SRGAP2B: variants seen among roughly 807,000 people sequenced by gnomAD.
SRGAP2B encodes SLIT-ROBO Rho GTPase-activating protein 2B.
In SRGAP2B, 9 loss-of-function variants were observed where a neutral mutation model predicts 22.2. That is an observed-to-expected ratio of 0.41 (90% CI 0.24 to 0.71). The LOEUF is 0.71. Among genes scored for constraint, SRGAP2B ranks in the 30% least tolerant of loss-of-function variants. The pLI is 0.35. For synonymous variants in SRGAP2B, 36 were observed against 87.4 expected (o/e 0.41, Z 3.28); for missense variants, 114 against 235.8 (o/e 0.48, Z 3.38).
At chr1:144,932,230 G>C (rs1665243140) in intron 4 of SRGAP2B, among the ~76,000 whole-genome samples, 1 of 149,084 alleles carries the variant, frequency 6.7e-6, no homozygotes, top group South Asian at 2.1e-4. Context: ...CCCAAATCCT[G>C]GGGACAATTG....
intron 3 of SRGAP2B, among the ~76,000 whole-genome samples, chr1:144,986,364 G>A (rs1403361028): frequency 7.2e-6 from 1 of 138,914 alleles, no homozygotes; most frequent in Non-Finnish European, 1.5e-5. Flanking sequence ...AGCTCCGGGG[G>A]AGGTGATGAG....
chr1:144,966,806 C>T (rs1376126310), intron 3 of SRGAP2B, among the ~76,000 whole-genome samples: 3 of 148,810 alleles, frequency 2.0e-5, no homozygotes, highest in South Asian at 4.2e-4. Flanking sequence ...ATCTACCAAG[C>T]AAATGGAAAA....
At chr1:144,958,097 TAAGG>T (rs778082020) in intron 3 of SRGAP2B, among the ~76,000 whole-genome samples, 1 of 150,474 alleles carries the variant, frequency 6.6e-6, no homozygotes, top group Non-Finnish European at 1.5e-5. Context: ...TGCAATATAG[TAAGG>T]GAGACAAAGA....
intron 3 of SRGAP2B, among the ~76,000 whole-genome samples, chr1:144,969,155 T>C (rs1459981937): frequency 2.7e-5 from 3 of 110,890 alleles, no homozygotes; most frequent in East Asian, 2.7e-4. Flanking sequence ...TTAAAGTTCA[T>C]ATGGAACCAA....
intron 3 of SRGAP2B, among the ~76,000 whole-genome samples, chr1:144,987,140 G>T (rs71228994): frequency 6.6e-6 from 1 of 152,130 alleles, no homozygotes; most frequent in Admixed American, 6.5e-5. Flanking sequence ...TGCACCTGTG[G>T]CACTCTGTAT....
intron 4 of SRGAP2B, among the ~76,000 whole-genome samples, chr1:144,941,621 T>C (rs1193262315): frequency 6.8e-6 from 1 of 147,226 alleles, no homozygotes; most frequent in Non-Finnish European, 1.5e-5. Flanking sequence ...GGAAAGAAGA[T>C]GAAAATGAAA....
At chr1:144,904,145 G>T (rs1662814360) in intron 7 of SRGAP2B, among the ~76,000 whole-genome samples, 1 of 149,078 alleles carries the variant, frequency 6.7e-6, no homozygotes, top group South Asian at 2.1e-4. Context: ...GGGGGAGCTG[G>T]ATACCTTCCT....
intron 4 of SRGAP2B, among the ~76,000 whole-genome samples, chr1:144,942,611 G>C (rs1324263176): frequency 6.7e-6 from 1 of 149,190 alleles, no homozygotes; most frequent in Admixed American, 6.7e-5. Flanking sequence ...GTAGAGACAG[G>C]GTTTCAGCAT....
At chr1:144,925,774 AG>A (rs1664672529) in intron 4 of SRGAP2B, among the ~76,000 whole-genome samples, 2 of 144,338 alleles carry the variant, frequency 1.4e-5, no homozygotes, top group Non-Finnish European at 3.0e-5. Flanking sequence ...AAAGAAAGAA[AG>A]AAAGAAAGAA....
chr1:145,021,155 CG>C (rs1305252688), intron 2 of SRGAP2B, among the ~76,000 whole-genome samples: 1 of 139,524 alleles, frequency 7.2e-6, no homozygotes, highest in East Asian at 2.0e-4. Flanking sequence ...CAAATGTTCA[CG>C]GACAGCATTA....
In SRGAP2B at chr1:144,955,409, A is replaced by C; in HGVS notation, c.423+30T>G. 3.1e-6 allele frequency: 5 copies of C among 1,590,952 alleles called. 1 individual carries two copies. The highest frequency in any genetic ancestry group is 1.4e-5 in the African/African-American group (1 of 71,836). On this transcript the variant is annotated intron_variant, in intron 4 of 9. Coordinates refer to ENST00000612199, the Ensembl canonical transcript of SRGAP2B. ...TAAAAATTGTGTCATTGCTCCACCC[A>C]AGAACCTCTGTGAAGAAATATCTCT...
chr1:144,995,054 C>T (rs1553618213), exon 3 of SRGAP2B: 32 of 1,543,650 alleles, frequency 2.1e-5, no homozygotes, highest in Non-Finnish European at 2.7e-5. Context: ...AGGAAGCGTT[C>T]TGCCAGCTTC....
chr1:145,009,514 G>A (rs1190546536), intron 2 of SRGAP2B, among the ~76,000 whole-genome samples: 3 of 147,268 alleles, frequency 2.0e-5, no homozygotes, highest in Non-Finnish European at 4.5e-5. Context: ...CGTGAACCCG[G>A]GAGGCGGAGC....
chr1:145,082,081 C>CA (rs1214095985), intron 2 of SRGAP2B, among the ~76,000 whole-genome samples: 21 of 143,604 alleles, frequency 1.5e-4, no homozygotes, highest in Non-Finnish European at 2.7e-4. Context: ...AACAAACAAA[C>CA]AAAAAAAACA....
chr1:144,934,149 A>C (rs1353193538), intron 4 of SRGAP2B, among the ~76,000 whole-genome samples: 1 of 150,474 alleles, frequency 6.6e-6, no homozygotes, highest in Non-Finnish European at 1.5e-5. Context: ...TTATGCCTGT[A>C]ATCTCAGCAG....
intron 3 of SRGAP2B, among the ~76,000 whole-genome samples, chr1:144,965,549 A>G (rs1476037837): frequency 2.8e-5 from 4 of 144,238 alleles, no homozygotes; most frequent in Non-Finnish European, 5.9e-5. Flanking sequence ...AAAAAACAGA[A>G]CAGAAAAACT....
At chr1:145,030,158 ATTCT>A (rs1648104165) in intron 2 of SRGAP2B, among the ~76,000 whole-genome samples, 1 of 146,846 alleles carries the variant, frequency 6.8e-6, no homozygotes, top group Admixed American at 6.8e-5. Context: ...TCAATAATGA[ATTCT>A]TTGACTCCCA....
chr1:144,907,742 A>G (rs1445450053), intron 5 of SRGAP2B, among the ~76,000 whole-genome samples: 1 of 150,596 alleles, frequency 6.6e-6, no homozygotes, highest in Non-Finnish European at 1.5e-5. Context: ...CCAAATGTCA[A>G]TGGTGCTGAC....
chr1:144,991,753 T>G (rs1349723130), intron 3 of SRGAP2B, among the ~76,000 whole-genome samples: 1 of 144,016 alleles, frequency 6.9e-6, no homozygotes, highest in African/African-American at 2.7e-5. Flanking sequence ...GTCAAAACTC[T>G]GTATCTAACT....
Sources: gnomAD v4.1 joint callset for allele counts (sites outside exome capture counted in the v4.1 genomes callset) on GRCh38, gnomAD v4.1.1 for gene constraint, MANE v1.5 for transcripts, NCBI Gene and HGNC (gene_info 2026-07-23, HGNC 2026-07-21) for gene names.